PCDH7: variants seen among roughly 807,000 people sequenced by gnomAD.
PCDH7 encodes the protein protocadherin-7.
In PCDH7, 17 loss-of-function variants were observed where a neutral mutation model predicts 58.9. That is an observed-to-expected ratio of 0.29 (90% CI 0.20 to 0.43). PCDH7 has a LOEUF of 0.43. PCDH7 is among the 20% of genes least tolerant of loss of function. The pLI, the probability that PCDH7 is intolerant of heterozygous loss-of-function variation, is 1.00. For missense variants in PCDH7, 1,274 were observed against 1,441.0 expected (o/e 0.88, Z 1.88); for synonymous variants, 664 against 616.4 (o/e 1.08, Z -1.14).
chr4:31,052,699 G>A (rs865861345), intron 3 of PCDH7, among the ~76,000 whole-genome samples: 2 of 152,102 alleles, frequency 1.3e-5, no homozygotes, highest in Non-Finnish European at 2.9e-5. Context: ...AAGGAGCTTT[G>A]TTTCTGACAC....
downstream of PCDH7, chr4:31,145,229 T>C (rs1263804300): frequency 6.6e-6 from 1 of 152,034 alleles, no homozygotes; most frequent in South Asian, 2.1e-4. Flanking sequence ...AAGATAGCCA[T>C]GCCATTGTCA....
chr4:31,006,675 C>T (rs1411366987), intron 3 of PCDH7, among the ~76,000 whole-genome samples: 2 of 151,838 alleles, frequency 1.3e-5, no homozygotes, highest in African/African-American at 4.8e-5. Context: ...GGCGGATTAC[C>T]TGAGGTCAGG....
At chr4:30,968,340 C>CTATA (rs200973688) in intron 3 of PCDH7, among the ~76,000 whole-genome samples, 20,106 of 82,364 alleles carry the variant, frequency 0.24, 3,491 homozygotes, top group African/African-American at 0.37. Context: ...TATACACACA[C>CTATA]TATATATATA....
At chr4:30,736,660 C>A (rs144066791), downstream of PCDH7, among the ~76,000 whole-genome samples, 2 of 151,666 alleles carry the variant, frequency 1.3e-5, no homozygotes, top group East Asian at 1.9e-4. Flanking sequence ...CTCAGCCTCC[C>A]GAGTAGCTGG....
intron 1 of PCDH7, among the ~76,000 whole-genome samples, chr4:30,777,072 G>C (rs1387815827): frequency 3.3e-5 from 5 of 152,116 alleles, no homozygotes; most frequent in African/African-American, 1.2e-4. Flanking sequence ...AAAGGCAGTG[G>C]AGTGTAGTCT....
chr4:30,872,478 G>A (rs1347614681), intron 1 of PCDH7, among the ~76,000 whole-genome samples: 1 of 152,032 alleles, frequency 6.6e-6, no homozygotes, highest in Admixed American at 6.6e-5. Context: ...GTGGGCTGTG[G>A]TATTTTCAGC....
At chr4:31,007,102 T>C (rs1752827873) in intron 3 of PCDH7, among the ~76,000 whole-genome samples, 1 of 152,168 alleles carries the variant, frequency 6.6e-6, no homozygotes. Flanking sequence ...ACTTGGTGGC[T>C]ACAAGCACAG....
chr4:31,041,203 T>A (rs1755829947), intron 3 of PCDH7, among the ~76,000 whole-genome samples: 1 of 152,158 alleles, frequency 6.6e-6, no homozygotes, highest in African/African-American at 2.4e-5. Context: ...AGGTGCAATA[T>A]CCATTTTCTT....
chr4:30,923,905 G>T (rs1388278803), intron 2 of PCDH7, among the ~76,000 whole-genome samples: 2 of 152,150 alleles, frequency 1.3e-5, no homozygotes, highest in East Asian at 3.9e-4. Context: ...GGGGAAATAG[G>T]TAATACAAAC....
At chr4:30,806,364 G>A (rs188368351) in intron 1 of PCDH7, among the ~76,000 whole-genome samples, 10 of 151,818 alleles carry the variant, frequency 6.6e-5, no homozygotes, top group Admixed American at 6.6e-4. Flanking sequence ...GAGTGCAGTT[G>A]CACAATCTTG....
At chr4:31,119,962 C>A (rs1717466339) in intron 3 of PCDH7, among the ~76,000 whole-genome samples, 1 of 150,622 alleles carries the variant, frequency 6.6e-6, no homozygotes, top group Admixed American at 6.6e-5. Flanking sequence ...TTTTTTTTTC[C>A]ATCTATAGGT....
At chr4:30,894,598 T>C (rs200555401) in intron 1 of PCDH7, among the ~76,000 whole-genome samples, 2,813 of 62,670 alleles carry the variant, frequency 0.045, 111 homozygotes, top group African/African-American at 0.18. Context: ...CACACACACA[T>C]ATATATATAT....
At chr4:30,864,768 C>T (rs1240643468) in intron 1 of PCDH7, among the ~76,000 whole-genome samples, 8 of 151,918 alleles carry the variant, frequency 5.3e-5, no homozygotes, top group Non-Finnish European at 1.0e-4. Flanking sequence ...GTAAACATCT[C>T]AGAGTAATTC....
At chr4:30,940,208 G>A (rs1745860602) in intron 2 of PCDH7, among the ~76,000 whole-genome samples, 2 of 151,764 alleles carry the variant, frequency 1.3e-5, no homozygotes, top group Non-Finnish European at 2.9e-5. Flanking sequence ...GTTTTAAAAA[G>A]TATTGGTCCC....
At chr4:30,915,094 C>T (rs1325486550) in intron 1 of PCDH7, among the ~76,000 whole-genome samples, 2 of 152,154 alleles carry the variant, frequency 1.3e-5, no homozygotes, top group African/African-American at 4.8e-5. Flanking sequence ...TTGTTGAGCA[C>T]CCCTTTTTGC....
chr4:31,065,109 CCT>C (rs1489947752), intron 3 of PCDH7, among the ~76,000 whole-genome samples: 1 of 151,924 alleles, frequency 6.6e-6, no homozygotes, highest in Non-Finnish European at 1.5e-5. Flanking sequence ...AACTAAGACA[CCT>C]CTCTGAGGGA....
At chr4:30,863,006 C>T (rs951480784) in intron 1 of PCDH7, among the ~76,000 whole-genome samples, 2 of 152,032 alleles carry the variant, frequency 1.3e-5, no homozygotes, top group South Asian at 2.1e-4. Flanking sequence ...AAAGTAAATT[C>T]TCTCATTTTT....
intron 3 of PCDH7, among the ~76,000 whole-genome samples, chr4:30,974,818 G>A (rs1367919820): frequency 2.7e-5 from 4 of 150,236 alleles, no homozygotes; most frequent in Non-Finnish European, 3.0e-5. Context: ...TAGGGTGGGC[G>A]ATGGGGGCAG....
At chr4:31,011,584 T>C (rs939486240) in intron 3 of PCDH7, among the ~76,000 whole-genome samples, 3 of 152,048 alleles carry the variant, frequency 2.0e-5, no homozygotes, top group Non-Finnish European at 4.4e-5. Context: ...TGAGGAACTT[T>C]ACAACATGCT....
Sources: allele counts gnomAD v4.1 joint callset (sites outside exome capture counted in the v4.1 genomes callset), GRCh38; gene constraint gnomAD v4.1.1; transcripts MANE v1.5; gene names NCBI Gene and HGNC (gene_info 2026-07-23, HGNC 2026-07-21).